The following TRPM3 variants were observed in gnomAD, a reference collection of about 807,000 sequenced individuals.
TRPM3 encodes the protein long transient receptor potential channel 3.
In TRPM3, 77 loss-of-function variants were observed where a neutral mutation model predicts 181.2. The observed-to-expected ratio is 0.42, with a 90% CI of 0.35 to 0.51. TRPM3 has a LOEUF of 0.51. Ranked by LOEUF, TRPM3 falls within the 20% of genes least tolerant of loss-of-function variation. The pLI, the probability that TRPM3 is intolerant of heterozygous loss-of-function variation, is 0.01. For synonymous variants in TRPM3, 745 were observed against 796.4 expected (o/e 0.94, Z 1.09); for missense variants, 1,759 against 2,196.7 (o/e 0.80, Z 3.98).
chr9:70,670,815 A>T (rs762777923), intron 9 of TRPM3, among the ~76,000 whole-genome samples: 13 of 152,174 alleles, frequency 8.5e-5, no homozygotes. Context: ...AGCAATAACC[A>T]TGTCATGTGT....
At chr9:70,767,081 C>T (rs774822771) in intron 7 of TRPM3, among the ~76,000 whole-genome samples, 3 of 152,180 alleles carry the variant, frequency 2.0e-5, no homozygotes, top group African/African-American at 7.2e-5. Flanking sequence ...TTCCTTCTCA[C>T]GAAGTAGCAC....
chr9:71,311,056 CT>C (rs2087881962), intron 1 of TRPM3, among the ~76,000 whole-genome samples: 1 of 151,916 alleles, frequency 6.6e-6, no homozygotes, highest in Non-Finnish European at 1.5e-5. Flanking sequence ...GAACATTAAG[CT>C]TTTTTTCTTC....
At chr9:71,255,087 A>G (rs1356646764) in intron 1 of TRPM3, among the ~76,000 whole-genome samples, 2 of 152,204 alleles carry the variant, frequency 1.3e-5, no homozygotes, top group African/African-American at 4.8e-5. Context: ...AAGTCCCCAT[A>G]GCTACCACTA....
At chr9:70,905,217 A>C (rs2096445335) in intron 1 of TRPM3, among the ~76,000 whole-genome samples, 1 of 152,234 alleles carries the variant, frequency 6.6e-6, no homozygotes, top group Admixed American at 6.5e-5. Flanking sequence ...TTGCTTTAAA[A>C]GTTTCTGAAG....
At chr9:70,842,620 G>A (rs1300301920) in intron 5 of TRPM3, among the ~76,000 whole-genome samples, 4 of 152,060 alleles carry the variant, frequency 2.6e-5, no homozygotes, top group African/African-American at 7.2e-5. Flanking sequence ...CCTGGGGTGC[G>A]GAGAGTCCGT....
intron 14 of TRPM3, among the ~76,000 whole-genome samples, chr9:70,623,365 CAA>C (rs34432876): frequency 0.061 from 6,878 of 112,720 alleles, 283 homozygotes; most frequent in African/African-American, 0.14. Context: ...GACTGCGTCT[CAA>C]AAAAAAAAAA....
At position 70,747,920 on chromosome 9, in the gene TRPM3, T is replaced by G. The variant is rs1343954869; in HGVS notation, c.1272+13681A>C. 2.0e-5 allele frequency among the ~76,000 whole-genome samples: 3 copies of G among 152,116 alleles called. No homozygotes were observed. In the East Asian group the frequency reaches 5.8e-4, roughly 29 times the overall value. The stretch of plus-strand genomic sequence containing the variant: ...GGAGCCAGGGGAAAGCAAGGCTAGA[T>G]ATTTGTGCATTTGGGAATTATCTTG... On this transcript the variant is annotated intron_variant, in intron 8 of 25. Transcript: ENST00000677713.
chr9:70,964,243 G>C (rs2097164485), intron 1 of TRPM3, among the ~76,000 whole-genome samples: 1 of 152,054 alleles, frequency 6.6e-6, no homozygotes, highest in Non-Finnish European at 1.5e-5. Flanking sequence ...AAAAGGGCAA[G>C]GACCAAGCTT....
chr9:71,304,670 G>A (rs1696967263), intron 1 of TRPM3, among the ~76,000 whole-genome samples: 1 of 152,144 alleles, frequency 6.6e-6, no homozygotes, highest in Admixed American at 6.5e-5. Flanking sequence ...CTAAAAATTA[G>A]GTCAGCAATT....
chr9:71,409,554 C>T (rs374219906), intron 1 of TRPM3, among the ~76,000 whole-genome samples: 1 of 151,744 alleles, frequency 6.6e-6, no homozygotes, highest in South Asian at 2.1e-4. Context: ...TCAACAAGTG[C>T]TAACTATCCT....
At position 71,283,598 on chromosome 9, in the gene TRPM3, C is replaced by T. The variant is rs900260142; in HGVS notation, c.183+163055G>A. ...GATTACTGGCATGAGCCACCATGTC[C>T]GGCCTCCTTCCTTTTTAAAGCTAAA... On this transcript the variant is annotated intron_variant, in intron 1 of 24. Coordinates refer to the TRPM3 transcript ENST00000357533. Among the ~76,000 whole-genome samples the T allele has an allele frequency of 3.9e-5, 6 of 152,290 alleles. No homozygotes were observed. In the East Asian group the frequency reaches 9.7e-4, roughly 25 times the overall value.
At chr9:71,022,225 C>T (rs2097852745) in intron 1 of TRPM3, among the ~76,000 whole-genome samples, 1 of 151,776 alleles carries the variant, frequency 6.6e-6, no homozygotes, top group Admixed American at 6.6e-5. Context: ...AATAAAGAAC[C>T]CACAAATAGA....
intron 1 of TRPM3, among the ~76,000 whole-genome samples, chr9:70,944,526 A>G (rs1311340765): frequency 6.6e-6 from 1 of 152,124 alleles, no homozygotes; most frequent in Non-Finnish European, 1.5e-5. Flanking sequence ...GTAAAGGAAA[A>G]GTTATTCCAT....
chr9:71,004,784 A>G (rs2097655599), intron 1 of TRPM3, among the ~76,000 whole-genome samples: 1 of 152,192 alleles, frequency 6.6e-6, no homozygotes, highest in South Asian at 2.1e-4. Flanking sequence ...AGAAATAGAA[A>G]CAATAATAAT....
chr9:70,761,719 A>G lies in TRPM3; in HGVS notation c.1154T>C (p.Ile385Thr), dbSNP rs2078180650. The stretch of plus-strand genomic sequence containing the variant: ...CAGCTGGTCCCTCAAAGATTCATTT[A>G]TCAGTCTGCAAGTAAAAACAATGTC... ...GHKYSEEGGL[I>T]NESLRDQLLV... is the part of the protein sequence containing the mutation. Residue 385 changes from isoleucine to threonine, a missense_variant, in exon 8 of 26, where the codon ATA becomes ACA. Around this residue, in one of 8 missense-constraint regions of TRPM3, gnomAD observed 737 missense variants for 957.4 expected, o/e 0.77. Coordinates refer to ENST00000677713, the MANE Select transcript of TRPM3 (RefSeq NM_001366145.2). 3 of 1,610,172 alleles carry G rather than the reference A, an allele frequency of 1.9e-6. No homozygotes were observed. Among genetic ancestry groups the G allele is most frequent in the Non-Finnish European group, 2.5e-6 (3 of 1,177,060 alleles).
At chr9:70,760,230 T>G (rs2077858208) in intron 8 of TRPM3, among the ~76,000 whole-genome samples, 1 of 151,692 alleles carries the variant, frequency 6.6e-6, no homozygotes, top group Admixed American at 6.6e-5. Flanking sequence ...TCTAGCAAAT[T>G]TGCAGGACTG....
At chr9:71,344,946 A>G (rs2091203091) in intron 1 of TRPM3, among the ~76,000 whole-genome samples, 1 of 152,236 alleles carries the variant, frequency 6.6e-6, no homozygotes, top group Non-Finnish European at 1.5e-5. Context: ...ATGAACAGAC[A>G]TTGCTCAAGA....
chr9:71,090,276 T>C (rs1400131165), intron 1 of TRPM3, among the ~76,000 whole-genome samples: 4 of 152,210 alleles, frequency 2.6e-5, no homozygotes, highest in Non-Finnish European at 5.9e-5. Context: ...AGAAGCATTA[T>C]GGACAGAAGG....
chr9:70,820,753 T>C (rs1023342198), intron 6 of TRPM3, among the ~76,000 whole-genome samples: 1 of 152,104 alleles, frequency 6.6e-6, no homozygotes, highest in Non-Finnish European at 1.5e-5. Flanking sequence ...ACTCCATCTG[T>C]AAGCTAGGGA....
Sources: gnomAD v4.1 joint callset for allele counts (sites outside exome capture counted in the v4.1 genomes callset) on GRCh38, gnomAD v4.1.1 for gene constraint, gnomAD v4.1.1 regional missense constraint, MANE v1.5 for transcripts, NCBI Gene and HGNC (gene_info 2026-07-23, HGNC 2026-07-21) for gene names.